The following SOD2 variants were observed in gnomAD, a reference collection of about 807,000 sequenced individuals.
The protein encoded by SOD2 is superoxide dismutase 2.
SOD2 carries 11 observed loss-of-function variants against 27.0 expected under a neutral mutation model. The observed-to-expected ratio is 0.41, with a 90% CI of 0.26 to 0.67. The LOEUF is 0.67. SOD2 is among the 30% of genes least tolerant of loss of function. The pLI is 0.34. For missense variants in SOD2, 250 were observed against 274.5 expected (o/e 0.91, Z 0.63); for synonymous variants, 105 against 103.0 (o/e 1.02, Z -0.12).
chr6:159,702,635 C>T (rs1327569099), intron 1 of SOD2, among the ~76,000 whole-genome samples: 2 of 108,186 alleles, frequency 1.8e-5, no homozygotes, highest in Admixed American at 1.4e-4. Context: ...AGCAGCAATA[C>T]AGGGAAGCTC....
chr6:159,688,984 G>A (rs1293894324), intron 2 of SOD2, among the ~76,000 whole-genome samples: 1 of 152,168 alleles, frequency 6.6e-6, no homozygotes, highest in Non-Finnish European at 1.5e-5. Context: ...ATTTCTCACT[G>A]CACTGGTGCC....
At chr6:159,736,318 TTTTTG>T in intron 1 of SOD2, 1 of 1,599,666 alleles carries the variant, frequency 6.3e-7, no homozygotes, top group Non-Finnish European at 8.5e-7. Context: ...GTTTTGGGTT[TTTTTG>T]TTTTGTTTTG....
At chr6:159,698,169 A>T (rs1777458657), upstream of SOD2, among the ~76,000 whole-genome samples, 1 of 152,160 alleles carries the variant, frequency 6.6e-6, no homozygotes, top group Non-Finnish European at 1.5e-5. Context: ...GCTACTTGGG[A>T]GGCTGAGGCA....
At chr6:159,690,980 T>C (rs1777167865) in intron 2 of SOD2, 1 of 152,222 alleles carries the variant, frequency 6.6e-6, no homozygotes, top group African/African-American at 2.4e-5. Context: ...CATTGTTTTA[T>C]CTTTTTTCCC....
In SOD2 at chr6:159,754,266, T is replaced by A. The variant is rs528602110; in HGVS notation, c.-335-5590A>T. Among the ~76,000 whole-genome samples the A allele has an allele frequency of 2.6e-5, 4 of 152,330 alleles. No individual in the cohort carries two copies. The East Asian group carries it at 7.7e-4, about 29-fold the overall frequency. ...TTCTGAACTACCTACCTTTTCAAAA[T>A]CTTCAGGAATTATTTCCTGTGACTT... On this transcript the variant is annotated intron_variant, in intron 1 of 7. Coordinates refer to the SOD2 transcript ENST00000546087.
intron 1 of SOD2, chr6:159,736,241 G>A (rs572844538): frequency 1.5e-5 from 24 of 1,577,598 alleles, no homozygotes; most frequent in East Asian, 6.8e-5. Context: ...CTTGTTTTCC[G>A]CAACTTTTTT....
chr6:159,686,569 C>T (rs1424130045), intron 3 of SOD2, among the ~76,000 whole-genome samples: 1 of 152,112 alleles, frequency 6.6e-6, no homozygotes, highest in Non-Finnish European at 1.5e-5. Flanking sequence ...ATCACTTGAA[C>T]CCGGGATGGG....
chr6:159,724,906 G>T (rs1013197424), intron 1 of SOD2, among the ~76,000 whole-genome samples: 3 of 140,602 alleles, frequency 2.1e-5, no homozygotes, highest in Non-Finnish European at 4.6e-5. Flanking sequence ...GAGGGGGGAA[G>T]AGAGGGAGGG....
Position 159,732,984 on chromosome 6 carries a change from T to C in SOD2, c.-116+12146A>G, listed in dbSNP as rs557609424. ...GAAATGCCAGATTTGATATCTGGGT[T>C]CTAAGACTTTGCAGCCTAATGCATG... On this transcript the variant is annotated intron_variant, in intron 1 of 3. Coordinates refer to the SOD2 transcript ENST00000537657. Among the ~76,000 whole-genome samples, 36 of 151,990 alleles carry C rather than the reference T, an allele frequency of 2.4e-4. No individual in the cohort carries two copies. In the Middle Eastern group the frequency reaches 0.017, roughly 72 times the overall value.
At position 159,671,017 on chromosome 6, in the gene SOD2, T is replaced by G. The variant is rs977753509; in HGVS notation, c.*11476A>C. 1 of 152,428 alleles carries G rather than the reference T, an allele frequency of 6.6e-6. No individual in the cohort carries two copies. The highest frequency in any genetic ancestry group is 2.4e-5 in the African/African-American group (1 of 41,452). 9.4% of individuals were successfully genotyped at this position (152,428 alleles called of 1,614,324 possible). On this transcript the variant is annotated 3_prime_UTR_variant, in exon 5 of 5. Transcript: ENST00000538183. ...CTAGCACAGCAGTCTGAGATCGAACTGCAAGGTGGCAGTGAGGCTAGGGGA... is the reference window on the plus strand; with the variant it reads ...CTAGCACAGCAGTCTGAGATCGAACGGCAAGGTGGCAGTGAGGCTAGGGGA...
At chr6:159,688,515 A>G (rs1780300225) in intron 2 of SOD2, among the ~76,000 whole-genome samples, 1 of 50,636 alleles carries the variant, frequency 2.0e-5, no homozygotes, top group Non-Finnish European at 5.7e-5. Flanking sequence ...GATTTTAGGA[A>G]ATGAAACACC....
At chr6:159,721,196 T>G (rs1015437256) in intron 1 of SOD2, among the ~76,000 whole-genome samples, 1 of 151,378 alleles carries the variant, frequency 6.6e-6, no homozygotes, top group African/African-American at 2.4e-5. Flanking sequence ...GCCTCCCGAG[T>G]AGCTGGGACC....
chr6:159,740,125 A>G (rs151150280), intron 1 of SOD2, among the ~76,000 whole-genome samples: 2,276 of 151,850 alleles, frequency 0.015, 57 homozygotes, highest in African/African-American at 0.052. Flanking sequence ...GATTACAGGC[A>G]TGGGCCACCA....
chr6:159,731,621 C>G (rs1186415868), upstream of SOD2, among the ~76,000 whole-genome samples: 19 of 152,170 alleles, frequency 1.2e-4, no homozygotes, highest in Non-Finnish European at 2.9e-5. Flanking sequence ...TCAGGTTTTT[C>G]AAGAAACACT....
At chr6:159,709,918 C>G (rs889954555) in intron 1 of SOD2, among the ~76,000 whole-genome samples, 1 of 151,936 alleles carries the variant, frequency 6.6e-6, no homozygotes, top group African/African-American at 2.4e-5. Context: ...ATATATACAC[C>G]ATGGAATACT....
chr6:159,712,153 T>A (rs1308124930), intron 1 of SOD2, among the ~76,000 whole-genome samples: 1 of 79,056 alleles, frequency 1.3e-5, no homozygotes, highest in Admixed American at 1.4e-4. Context: ...ACCACTCAGC[T>A]GCTCTGACCA....
chr6:159,695,414 A>C (rs1038117635), upstream of SOD2, among the ~76,000 whole-genome samples: 1 of 152,226 alleles, frequency 6.6e-6, no homozygotes, highest in African/African-American at 2.4e-5. Context: ...CATCAGCTAC[A>C]TCATTACAAA....
intron 1 of SOD2, chr6:159,726,980 C>T (rs767986158): frequency 1.7e-5 from 22 of 1,280,690 alleles, no homozygotes; most frequent in Non-Finnish European, 2.0e-5. Context: ...CGGCCAATCA[C>T]GCGCCGCCTT....
chr6:159,727,558 G>A, upstream of SOD2: 1 of 989,118 alleles, frequency 1.0e-6, no homozygotes, highest in African/African-American at 1.7e-5. Context: ...GGGGAGCGCA[G>A]GGGTTGCGGC....
Sources: gnomAD v4.1 joint callset for allele counts (sites outside exome capture counted in the v4.1 genomes callset) on GRCh38, gnomAD v4.1.1 for gene constraint, MANE v1.5 for transcripts, NCBI Gene and HGNC (gene_info 2026-07-23, HGNC 2026-07-21) for gene names.